SCHIP1: variants seen among roughly 807,000 people sequenced by gnomAD.
SCHIP1 encodes schwannomin-interacting protein 1.
SCHIP1 carries 8 observed loss-of-function variants against 29.7 expected under a neutral mutation model. That is an observed-to-expected ratio of 0.27 (90% CI 0.16 to 0.49). The LOEUF (loss-of-function observed/expected upper bound fraction) is 0.49, where lower values mean the gene tolerates loss of function less well. Ranked by LOEUF, SCHIP1 falls within the 20% of genes least tolerant of loss-of-function variation. The pLI, the probability that SCHIP1 is intolerant of heterozygous loss-of-function variation, is 0.99. For synonymous variants in SCHIP1, 76 were observed against 94.9 expected (o/e 0.80, Z 1.16); for missense variants, 193 against 294.6 (o/e 0.66, Z 2.52).
intron 1 of SCHIP1, among the ~76,000 whole-genome samples, chr3:159,854,780 G>A (rs1425903717): frequency 6.6e-6 from 1 of 152,172 alleles, no homozygotes; most frequent in Non-Finnish European, 1.5e-5. Flanking sequence ...AGATAGAAGA[G>A]GATAGGTCAG....
chr3:159,750,672 G>A, the SCHIP1 span, among the ~76,000 whole-genome samples: 3 of 152,230 alleles, frequency 2.0e-5, no homozygotes, highest in South Asian at 6.2e-4. Context: ...GCAGCTGGGG[G>A]TAGGGTTGGG....
the SCHIP1 span, among the ~76,000 whole-genome samples, chr3:159,680,314 T>A: frequency 6.6e-6 from 1 of 151,146 alleles, no homozygotes; most frequent in African/African-American, 2.4e-5. Context: ...ATTGAGACCA[T>A]CCTGGACAAC....
chr3:159,601,315 A>AC, the SCHIP1 span, among the ~76,000 whole-genome samples: 6 of 151,430 alleles, frequency 4.0e-5, no homozygotes, highest in Non-Finnish European at 8.8e-5. Flanking sequence ...ACCCCCAACA[A>AC]CCCCCCCATA....
intron 3 of SCHIP1, 99 bp downstream of exon 4, chr3:159,886,423 G>C: frequency 8.9e-7 from 1 of 1,117,732 alleles, no homozygotes; most frequent in South Asian, 1.5e-5. Flanking sequence ...ACATTTCAGA[G>C]ATTAAAGAAG....
chr3:159,872,512 G>C (rs557822746), intron 2 of SCHIP1, among the ~76,000 whole-genome samples: 1 of 152,278 alleles, frequency 6.6e-6, no homozygotes, highest in African/African-American at 2.4e-5. Context: ...CCCCTGTGGA[G>C]ACACGGATAT....
At chr3:159,824,499 A>G in the SCHIP1 span, among the ~76,000 whole-genome samples, 1 of 152,228 alleles carries the variant, frequency 6.6e-6, no homozygotes, top group Non-Finnish European at 1.5e-5. Context: ...AGATATAGCC[A>G]TCAAACTTAG....
chr3:159,660,226 A>G, the SCHIP1 span, among the ~76,000 whole-genome samples: 4 of 152,122 alleles, frequency 2.6e-5, no homozygotes, highest in Non-Finnish European at 4.4e-5. Context: ...GCAAATGATG[A>G]TGGGAGTCGG....
chr3:159,821,138 T>C, the SCHIP1 span, among the ~76,000 whole-genome samples: 3 of 152,198 alleles, frequency 2.0e-5, no homozygotes, highest in Non-Finnish European at 4.4e-5. Context: ...AACGTTGTCT[T>C]AGAAGCCAGC....
chr3:159,415,793 G>A, the SCHIP1 span, among the ~76,000 whole-genome samples: 1 of 152,120 alleles, frequency 6.6e-6, no homozygotes, highest in Non-Finnish European at 1.5e-5. Flanking sequence ...ATATTGAAAT[G>A]AAAATATTAC....
At chr3:159,279,637 G>A in the SCHIP1 span, among the ~76,000 whole-genome samples, 1 of 152,054 alleles carries the variant, frequency 6.6e-6, no homozygotes, top group African/African-American at 2.4e-5. Context: ...TGCTAGATCT[G>A]CTTGATGTTA....
At chr3:159,428,487 C>T in the SCHIP1 span, among the ~76,000 whole-genome samples, 2 of 152,158 alleles carry the variant, frequency 1.3e-5, no homozygotes, top group African/African-American at 4.8e-5. Context: ...AAATCAAAAC[C>T]ACAATGAGAT....
the SCHIP1 span, among the ~76,000 whole-genome samples, chr3:159,428,782 A>G: frequency 6.6e-6 from 1 of 152,068 alleles, no homozygotes; most frequent in East Asian, 1.9e-4. Flanking sequence ...AATAGCAAAG[A>G]CTTGGAACCA....
chr3:159,730,290 C>T, the SCHIP1 span, among the ~76,000 whole-genome samples: 3 of 152,228 alleles, frequency 2.0e-5, no homozygotes, highest in East Asian at 1.9e-4. Context: ...TTAACCTCTG[C>T]GCCTTAGTCT....
At chr3:159,741,959 G>A in the SCHIP1 span, among the ~76,000 whole-genome samples, 2 of 152,224 alleles carry the variant, frequency 1.3e-5, no homozygotes, top group Non-Finnish European at 2.9e-5. Context: ...GGCTGGGCAC[G>A]GTGGGTCACA....
chr3:159,425,792 G>A, the SCHIP1 span, among the ~76,000 whole-genome samples: 1 of 152,142 alleles, frequency 6.6e-6, no homozygotes, highest in African/African-American at 2.4e-5. Flanking sequence ...ATACTTGGAA[G>A]TAAAGCTCTC....
chr3:159,453,023 A>G, the SCHIP1 span, among the ~76,000 whole-genome samples: 1 of 152,222 alleles, frequency 6.6e-6, no homozygotes, highest in Admixed American at 6.5e-5. Context: ...GGCTTCTAAA[A>G]AAAACTGGGG....
chr3:159,408,299 AAATAAT>A, the SCHIP1 span, among the ~76,000 whole-genome samples: 8 of 151,488 alleles, frequency 5.3e-5, no homozygotes, highest in Admixed American at 1.3e-4. Context: ...CTCTATCTCA[AAATAAT>A]AATAATAATA....
chr3:159,390,848 C>T, the SCHIP1 span, among the ~76,000 whole-genome samples: 2 of 151,998 alleles, frequency 1.3e-5, no homozygotes, highest in African/African-American at 4.8e-5. Flanking sequence ...TAAGCAATGC[C>T]TCAGGGAGAG....
the SCHIP1 span, among the ~76,000 whole-genome samples, chr3:159,580,090 A>T: frequency 6.6e-6 from 1 of 152,180 alleles, no homozygotes; most frequent in South Asian, 2.1e-4. Flanking sequence ...TATACATTTC[A>T]AAACATTTAA....
Sources: gnomAD v4.1 joint callset for allele counts (sites outside exome capture counted in the v4.1 genomes callset) on GRCh38, gnomAD v4.1.1 for gene constraint, MANE v1.5 for transcripts, NCBI Gene and HGNC (gene_info 2026-07-23, HGNC 2026-07-21) for gene names.